Variants in LHFPL3 observed in about 807,000 individuals in gnomAD.
LHFPL3 encodes the protein LHFPL tetraspan subfamily member 3, also known as LHFPL tetraspan subfamily member 3 protein.
LHFPL3 carries 5 observed loss-of-function variants against 19.3 expected under a neutral mutation model. The ratio of observed to expected loss-of-function variants is 0.26; its 90% CI spans 0.14 to 0.54. The LOEUF (loss-of-function observed/expected upper bound fraction) is 0.54. Ranked by LOEUF, LHFPL3 falls within the 20% of genes least tolerant of loss-of-function variation. The probability of loss-of-function intolerance (pLI) is 0.94; values close to 1 mark genes in which losing one functional copy is unlikely to be tolerated. For missense variants in LHFPL3, 249 were observed against 307.4 expected (o/e 0.81, Z 1.42); for synonymous variants, 133 against 126.2 (o/e 1.05, Z -0.36).
At chr7:104,438,733 T>G (rs1384336793) in intron 1 of LHFPL3, among the ~76,000 whole-genome samples, 1 of 151,664 alleles carries the variant, frequency 6.6e-6, no homozygotes, top group African/African-American at 2.4e-5. Flanking sequence ...GTAAGTAGAA[T>G]GAAGGAAATA....
chr7:104,471,404 T>C (rs987932747), intron 1 of LHFPL3, among the ~76,000 whole-genome samples: 2 of 152,262 alleles, frequency 1.3e-5, no homozygotes, highest in Admixed American at 6.5e-5. Flanking sequence ...GACCATGTGC[T>C]TATAGTGTGC....
intron 2 of LHFPL3, among the ~76,000 whole-genome samples, chr7:104,837,861 T>C (rs1791127180): frequency 6.6e-6 from 1 of 152,214 alleles, no homozygotes; most frequent in African/African-American, 2.4e-5. Context: ...CTTATCACGG[T>C]GTTTGATAGA....
intron 2 of LHFPL3, among the ~76,000 whole-genome samples, chr7:104,823,329 C>T (rs1289521998): frequency 6.6e-6 from 1 of 152,162 alleles, no homozygotes; most frequent in Admixed American, 6.5e-5. Flanking sequence ...CCATGACAGC[C>T]ACTTAACTAC....
intron 1 of LHFPL3, among the ~76,000 whole-genome samples, chr7:104,693,988 G>A (rs1041138245): frequency 6.6e-6 from 1 of 152,138 alleles, no homozygotes; most frequent in Non-Finnish European, 1.5e-5. Flanking sequence ...AGCAGCATGA[G>A]AACAGAGTAA....
intron 2 of LHFPL3, among the ~76,000 whole-genome samples, chr7:104,844,163 G>A (rs1791268191): frequency 6.6e-6 from 1 of 152,206 alleles, no homozygotes; most frequent in African/African-American, 2.4e-5. Context: ...GAAAGAATGG[G>A]GGAGAGAAGT....
chr7:104,902,358 G>A (rs1269709745), intron 2 of LHFPL3, among the ~76,000 whole-genome samples: 1 of 151,864 alleles, frequency 6.6e-6, no homozygotes, highest in Non-Finnish European at 1.5e-5. Flanking sequence ...TAGTCAAGAA[G>A]CCTGAGTCAC....
At chr7:104,366,267 A>G (rs1790494329) in intron 1 of LHFPL3, among the ~76,000 whole-genome samples, 1 of 152,146 alleles carries the variant, frequency 6.6e-6, no homozygotes, top group South Asian at 2.1e-4. Flanking sequence ...ATTGAAATGG[A>G]GCAGGAATTG....
At chr7:104,480,333 G>A (rs556728106) in intron 1 of LHFPL3, among the ~76,000 whole-genome samples, 29 of 151,716 alleles carry the variant, frequency 1.9e-4, no homozygotes, top group African/African-American at 3.9e-4. Context: ...GACACCCCCC[G>A]TCCCCCCACC....
chr7:104,522,387 T>TGGGGTGG (rs1408417169), intron 1 of LHFPL3, among the ~76,000 whole-genome samples: 5 of 50,196 alleles, frequency 1.0e-4, no homozygotes, highest in African/African-American at 4.2e-4. Flanking sequence ...GGGACTGTTG[T>TGGGGTGG]GGGGTGGGGG....
Position 104,556,354 on chromosome 7 carries a change from A to T in LHFPL3, c.446-180321A>T, listed in dbSNP as rs529320344. On this transcript the variant is annotated intron_variant, in intron 1 of 2. Transcript: ENST00000424859. ...CAGGTGTTTCCATATATCCTCTGAAATCTAGGCAGAGGTTCCCAAACCTCA... is the reference window on the plus strand; with the variant it reads ...CAGGTGTTTCCATATATCCTCTGAATTCTAGGCAGAGGTTCCCAAACCTCA... 9.2e-5 allele frequency among the ~76,000 whole-genome samples: 14 copies of T among 152,254 alleles called. No homozygotes were observed. The South Asian group carries it at 2.7e-3, about 29-fold the overall frequency.
chr7:104,894,142 C>T (rs1192972541), intron 2 of LHFPL3, among the ~76,000 whole-genome samples: 1 of 152,106 alleles, frequency 6.6e-6, no homozygotes, highest in African/African-American at 2.4e-5. Context: ...ACCTAATCTG[C>T]CTTTGCTCTT....
chr7:104,614,653 C>CTTCTCTTCTCTTCT (rs1554415305), intron 1 of LHFPL3, among the ~76,000 whole-genome samples: 1 of 51,436 alleles, frequency 1.9e-5, no homozygotes, highest in East Asian at 6.9e-4. Flanking sequence ...CTTCTCTTCT[C>CTTCTCTTCTCTTCT]TCCTTCCTTC....
chr7:104,369,583 T>C (rs769446205), intron 1 of LHFPL3, among the ~76,000 whole-genome samples: 30 of 152,260 alleles, frequency 2.0e-4, no homozygotes, highest in Non-Finnish European at 4.3e-4. Flanking sequence ...ACATTTATGT[T>C]TAACTTTTAA....
At chr7:104,467,139 C>T (rs1198512769) in intron 1 of LHFPL3, among the ~76,000 whole-genome samples, 2 of 152,110 alleles carry the variant, frequency 1.3e-5, no homozygotes, top group Non-Finnish European at 2.9e-5. Context: ...AGTCACAAGA[C>T]AGGGCATAGT....
At chr7:104,459,109 T>A (rs190013047) in intron 1 of LHFPL3, among the ~76,000 whole-genome samples, 62 of 152,364 alleles carry the variant, frequency 4.1e-4, no homozygotes, top group South Asian at 2.1e-3. Flanking sequence ...GTGGTATTGA[T>A]TTCCTGCAGT....
chr7:104,614,473 T>G (rs971518820), intron 1 of LHFPL3, among the ~76,000 whole-genome samples: 1 of 152,132 alleles, frequency 6.6e-6, no homozygotes, highest in African/African-American at 2.4e-5. Context: ...TGGCACCTGG[T>G]AAACACACAC....
chr7:104,477,919 G>A (rs927503122), intron 1 of LHFPL3, among the ~76,000 whole-genome samples: 6 of 152,148 alleles, frequency 3.9e-5, no homozygotes, highest in South Asian at 2.1e-4. Flanking sequence ...ATCCAGACAC[G>A]TGAACAGTAT....
Position 104,345,732 on chromosome 7 carries a change from TATGTG to T in LHFPL3, c.445+16513_445+16517del, listed in dbSNP as rs1790052033. On this transcript the variant is annotated intron_variant, in intron 1 of 2. Coordinates refer to ENST00000424859, the MANE Select transcript of LHFPL3 (RefSeq NM_199000.3). ...ACTTTATATTCATTTTTTTCTGAGT[TATGTG>T]ATGTAAACATAATAAGTGGTTTTAC... Among the ~76,000 whole-genome samples, 4 of 152,294 alleles carry T rather than the reference TATGTG, an allele frequency of 2.6e-5. No homozygotes were observed. The South Asian group carries it at 8.3e-4, about 32-fold the overall frequency.
intron 1 of LHFPL3, among the ~76,000 whole-genome samples, chr7:104,360,368 A>T (rs146217221): frequency 6.6e-6 from 1 of 152,286 alleles, no homozygotes; most frequent in African/African-American, 2.4e-5. Context: ...GTCATACTTT[A>T]TCGTACCTGG....
Sources: allele counts gnomAD v4.1 joint callset (sites outside exome capture counted in the v4.1 genomes callset), GRCh38; gene constraint gnomAD v4.1.1; transcripts MANE v1.5; gene names NCBI Gene and HGNC (gene_info 2026-07-23, HGNC 2026-07-21).